Variants in MYH8 observed in about 807,000 individuals in gnomAD.
MYH8 encodes the protein myosin heavy chain 8.
MYH8 carries 168 observed loss-of-function variants against 233.2 expected under a neutral mutation model. The ratio of observed to expected loss-of-function variants is 0.72; its 90% CI spans 0.64 to 0.82. The LOEUF (loss-of-function observed/expected upper bound fraction) is 0.82. Ranked by LOEUF, MYH8 falls within the 40% of genes least tolerant of loss-of-function variation. The probability of loss-of-function intolerance (pLI) is 0.00; values close to 1 mark genes in which losing one functional copy is unlikely to be tolerated. For missense variants in MYH8, 1,995 were observed against 2,327.8 expected, an observed-to-expected ratio of 0.86 and a Z score of 2.94; for synonymous variants, 785 against 850.6, an observed-to-expected ratio of 0.92 and a Z score of 1.34.
At chr17:10,401,878 T>G (rs1244207695) in intron 22 of MYH8, 93 bp from the exon 23 acceptor site, 1 of 1,516,472 alleles carries the variant, frequency 6.6e-7, no homozygotes, top group African/African-American at 1.4e-5. Flanking sequence ...TTTATTGAAT[T>G]CTGTTGAATT....
At position 10,406,938 on chromosome 17, in the gene MYH8, G is replaced by A; in HGVS notation, c.2007C>T (p.His669=). ...GAATGATACACCGTACGAAGTGAGG[G>A]TGTGTGCTCCTCAGATTCGTCATCA... The part of the protein sequence containing the change: ...NKLMTNLRST[H]PHFVRCIIPN... Residue 669 remains histidine (H), a synonymous_variant, in exon 18 of 40, where the codon CAC becomes CAT. Transcript: ENST00000403437. 1 of 1,614,030 alleles carries A rather than the reference G, an allele frequency of 6.2e-7. No homozygotes were observed. The highest frequency in any genetic ancestry group is 8.5e-7 in the Non-Finnish European group (1 of 1,179,918).
In MYH8 at chr17:10,415,445, G is replaced by A. The variant is rs750503004; in HGVS notation, c.648+27C>T. The A allele has an allele frequency of 6.2e-7, 1 of 1,613,348 alleles. No individual in the cohort carries two copies. Among genetic ancestry groups the A allele is most frequent in the Non-Finnish European group, 8.5e-7 (1 of 1,179,294 alleles). On this transcript the variant is annotated intron_variant, in intron 7 of 39. Coordinates refer to ENST00000403437, the MANE Select transcript of MYH8 (RefSeq NM_002472.3). This position sits in a 1 kb window ranked among gnomAD's most constrained non-coding sequence, Gnocchi z 4.1. ...CCAGATGTCTGAGAGCCTTGACAGA[G>A]GTTTTGACTCTGGCTATCAGACCTA...
At chr17:10,414,633 T>A (rs2072273845) in intron 9 of MYH8, 149 bp from the exon 10 acceptor site, 6 of 675,306 alleles carry the variant, frequency 8.9e-6, no homozygotes, top group Non-Finnish European at 1.3e-5. Flanking sequence ...AGACAGTGAT[T>A]CTCACTGTCT....
chr17:10,411,777 G>A (rs904325459), intron 14 of MYH8, among the ~76,000 whole-genome samples: 1 of 152,134 alleles, frequency 6.6e-6, no homozygotes, highest in African/African-American at 2.4e-5. Context: ...AATCCCCCTC[G>A]TCAGGTGTGT....
At chr17:10,413,499 A>G (rs144906503) in intron 12 of MYH8, among the ~76,000 whole-genome samples, 8 of 152,262 alleles carry the variant, frequency 5.3e-5, no homozygotes, top group Non-Finnish European at 1.0e-4. Flanking sequence ...AGATGACTCT[A>G]GGGGTATCTT....
In MYH8 at chr17:10,401,317, G is replaced by C; in HGVS notation, c.3066C>G (p.Ile1022Met). Residue 1022 changes from isoleucine (I) to methionine (M), a missense_variant, in exon 24 of 40, where the codon ATC becomes ATG. Physicochemically the swap from Ile to Met is conservative, Grantham distance 10. Around this residue, in one of 3 missense-constraint regions of MYH8, gnomAD observed 1,498 missense variants for 1,680.9 expected, o/e 0.89. Coordinates refer to ENST00000403437, the MANE Select transcript of MYH8 (RefSeq NM_002472.3). The stretch of plus-strand genomic sequence containing the variant: ...CTAGCTTGGTTTTAGCTTTGGTCAG[G>C]ATGTTGACTTTGTCCTCCTCTGCCT... Reference protein sequence around the residue: ...DLQAEEDKVNILTKAKTKLEQ... With the variant: ...DLQAEEDKVNMLTKAKTKLEQ... 6.2e-7 allele frequency: 1 copy of C among 1,614,152 alleles called. No homozygotes were observed. Among genetic ancestry groups the C allele is most frequent in the South Asian group, 1.1e-5 (1 of 91,088 alleles).
chr17:10,417,248 A>C lies in MYH8; in HGVS notation c.511+1397T>G, dbSNP rs148410009. 4.3e-4 allele frequency among the ~76,000 whole-genome samples: 66 copies of C among 152,366 alleles called. No individual in the cohort carries two copies. The highest frequency in any genetic ancestry group is 8.2e-4 in the Non-Finnish European group (56 of 68,024). On this transcript the variant is annotated intron_variant, in intron 5 of 39. Transcript: ENST00000403437. The surrounding 1 kb of genome is among the most constrained non-coding windows in gnomAD (Gnocchi z 4.1). ...TAAATCTCTAATTCTATAGTGTTAG[A>C]TTATAGATTTTAGAGAATTCTAAAA...
rs1195900499 is a variant in MYH8, at chr17:10,400,184, C to G, written c.3735+206G>C. 6.6e-6 allele frequency among the ~76,000 whole-genome samples: 1 copy of G among 152,008 alleles called. No individual in the cohort carries two copies. The highest frequency in any genetic ancestry group is 1.5e-5 in the Non-Finnish European group (1 of 68,014). On this transcript the variant is annotated intron_variant, in intron 27 of 39. Transcript: ENST00000403437. This position sits in a 1 kb window ranked among gnomAD's most constrained non-coding sequence, Gnocchi z 4.0. ...CGCCACTGCACTTCAGCCTGGGCGA[C>G]AGAGTGAGACTCCATCCCCCCGCTC... is the stretch of plus-strand genomic sequence containing the variant.
Position 10,419,129 on chromosome 17 carries a change from C to T in MYH8, c.211-99G>A. ...CTGGAGTGCAGTGGCGCGATCTCAG[C>T]TCACTGCAACCTCCGCCCTCCTGCT... On this transcript the variant is annotated intron_variant, in intron 3 of 39. Transcript: ENST00000403437. This position sits in a 1 kb window ranked among gnomAD's most constrained non-coding sequence, Gnocchi z 4.0. The T allele has an allele frequency of 7.3e-7, 1 of 1,365,540 alleles. No homozygotes were observed. The highest frequency in any genetic ancestry group is 2.4e-5 in the East Asian group (1 of 41,568). 84.6% of individuals were successfully genotyped at this position (1,365,540 alleles called of 1,614,324 possible).
In MYH8 at chr17:10,412,635, A is replaced by T; in HGVS notation, c.1241T>A (p.Val414Asp). Residue 414 changes from valine (V) to aspartate (D), a missense_variant, in exon 13 of 40, where the codon GTC becomes GAC. Transcript: ENST00000403437. ...YPRVKVGNEY[V>D]TKGQTVQQVY... ...CTGCTGCACAGTCTGGCCTTTGGTG[A>T]CATACTCATTGCCAACCTTGACCCT... 1 of 1,614,260 alleles carries T rather than the reference A, an allele frequency of 6.2e-7. No homozygotes were observed.
chr17:10,404,700 A>G (rs1185733482), intron 21 of MYH8, 115 bp from the exon 22 acceptor site: 25 of 1,232,338 alleles, frequency 2.0e-5, no homozygotes, highest in Non-Finnish European at 2.8e-5. Context: ...AATATGTCAC[A>G]TTCTCTATAT....
chr17:10,412,518 A>T lies in MYH8; in HGVS notation c.1268T>A (p.Val423Glu). The T allele has an allele frequency of 6.2e-7, 1 of 1,614,210 alleles. No homozygotes were observed. The highest frequency in any genetic ancestry group is 8.5e-7 in the Non-Finnish European group (1 of 1,180,040). ...YVTKGQTVQQ[V>E]YNAVGALAKA... ...GGCCAGAGCACCCACCGCATTGTAC[A>T]CCTTCACAGATAGAGTAATGTTTGT... The change falls in exon 14 of 40, where the codon GTG (valine) becomes GAG (glutamate). Residue 423 changes from valine (V) to glutamate (E), a missense_variant and splice_region_variant. Around this residue, in one of 3 missense-constraint regions of MYH8, gnomAD observed 479 missense variants for 600.9 expected, o/e 0.80. Transcript: ENST00000403437.
At chr17:10,390,910 A>G (rs933999511) in intron 39 of MYH8, among the ~76,000 whole-genome samples, 1 of 152,256 alleles carries the variant, frequency 6.6e-6, no homozygotes, top group Non-Finnish European at 1.5e-5. Flanking sequence ...ATGTAAGGCC[A>G]AATTATAATT....
At chr17:10,393,742 T>A (rs993117393) in intron 35 of MYH8, among the ~76,000 whole-genome samples, 4 of 152,190 alleles carry the variant, frequency 2.6e-5, no homozygotes, top group Non-Finnish European at 5.9e-5. Flanking sequence ...ATATTTTTGG[T>A]TGTCAAAATG....
Position 10,391,886 on chromosome 17 carries a change from T to A in MYH8, c.5660A>T (p.Glu1887Val). The A allele has an allele frequency of 6.2e-7, 1 of 1,613,322 alleles. No individual in the cohort carries two copies. Among genetic ancestry groups the A allele is most frequent in the South Asian group, 1.1e-5 (1 of 91,076 alleles). ...KVKSYKRQAE[E>V]AEEQSNANLS... ...CAAGGGCTTAAAGATACTTACAGCC[T>A]CCTCAGCTTGTCTCTTGTATGATTT... Residue 1887 changes from glutamate (E) to valine (V), a missense_variant, in exon 39 of 40, where the codon GAG becomes GTG. By Grantham distance (121) the Glu-to-Val change is moderately radical. Around this residue, in one of 3 missense-constraint regions of MYH8, gnomAD observed 1,498 missense variants for 1,680.9 expected, o/e 0.89. Coordinates refer to ENST00000403437, the MANE Select transcript of MYH8 (RefSeq NM_002472.3).
At position 10,420,588 on chromosome 17, in the gene MYH8, C is replaced by G. The variant is rs914046411; in HGVS notation, c.-30-331G>C. ...CAACTGTCATTATTTAATTTCCTCTCCTCTTTCTGCATAATGTTTGTCTAT... is the reference window on the plus strand; with the variant it reads ...CAACTGTCATTATTTAATTTCCTCTGCTCTTTCTGCATAATGTTTGTCTAT... On this transcript the variant is annotated intron_variant, in intron 2 of 39. Transcript: ENST00000403437. 3.9e-5 allele frequency among the ~76,000 whole-genome samples: 6 copies of G among 152,330 alleles called. No individual in the cohort carries two copies. In the South Asian group the frequency reaches 8.3e-4, roughly 21 times the overall value.
chr17:10,400,381 A>G lies in MYH8; in HGVS notation c.3735+9T>C. 2 of 1,611,684 alleles carry G rather than the reference A, an allele frequency of 1.2e-6. No homozygotes were observed. Among genetic ancestry groups the G allele is most frequent in the South Asian group, 1.1e-5 (1 of 91,072 alleles). ...ATGATTACCTTCATTTAGAGACAGTATTGGGTACCTTGGCTTTGGAAATGG... is the reference window on the plus strand; with the variant it reads ...ATGATTACCTTCATTTAGAGACAGTGTTGGGTACCTTGGCTTTGGAAATGG... On this transcript the variant is annotated intron_variant, in intron 27 of 39. Transcript: ENST00000403437. The surrounding 1 kb of genome is among the most constrained non-coding windows in gnomAD (Gnocchi z 4.0).
In MYH8 at chr17:10,396,932, G is replaced by A. The variant is rs138992963; in HGVS notation, c.4233C>T (p.Asn1411=). The A allele has an allele frequency of 2.1e-3, 3,431 of 1,614,160 alleles. 65 individuals are homozygous for A. In the African/African-American group the frequency reaches 0.039, roughly 19 times the overall value. Residue 1411 remains asparagine, a synonymous_variant, in exon 31 of 40, where the codon AAC becomes AAT. Transcript: ENST00000403437. This position sits in a 1 kb window ranked among gnomAD's most constrained non-coding sequence, Gnocchi z 4.2. ...TCTTCTCAAGGGAAGCACATTTGGC[G>A]TTCACAGCTTCTACATGTTCCTCAG... ...QEAEEHVEAV[N]AKCASLEKTK... is the part of the protein sequence containing the mutation.
intron 22 of MYH8, among the ~76,000 whole-genome samples, chr17:10,404,048 A>C (rs1007712647): frequency 6.6e-6 from 1 of 152,190 alleles, no homozygotes; most frequent in Non-Finnish European, 1.5e-5. Flanking sequence ...AAAGGGGTAA[A>C]ATATTTGACT....
Sources: gnomAD v4.1 joint callset for allele counts (sites outside exome capture counted in the v4.1 genomes callset) on GRCh38, gnomAD v4.1.1 for gene constraint, gnomAD v4.1.1 regional missense constraint, Gnocchi (gnomAD v3.1) non-coding constraint, MANE v1.5 for transcripts, NCBI Gene and HGNC (gene_info 2026-07-23, HGNC 2026-07-21) for gene names.